Variants in CCDC59 observed in about 807,000 individuals in gnomAD.
The protein encoded by CCDC59 is thyroid transcription factor 1-associated protein 26.
A neutral mutation model predicts 30.5 loss-of-function variants in CCDC59; 27 were observed. The ratio of observed to expected loss-of-function variants is 0.89; its 90% confidence interval spans 0.65 to 1.22. CCDC59 has a LOEUF of 1.22. Ranked by LOEUF, CCDC59 falls within the 50% of genes most tolerant of loss-of-function variation. The pLI, the probability that CCDC59 is intolerant of heterozygous loss-of-function variation, is 0.00. For synonymous variants in CCDC59, 125 were observed against 100.9 expected, an observed-to-expected ratio of 1.24 and a Z score of -1.43; for missense variants, 362 against 284.4, an observed-to-expected ratio of 1.27 and a Z score of -1.96.
At chr12:82,354,461 A>C (rs1240610963) in intron 3 of CCDC59, 34 bp downstream of exon 3, 2 of 1,505,406 alleles carry the variant, frequency 1.3e-6, no homozygotes, top group Non-Finnish European at 1.8e-6. Context: ...TAAATAAGAA[A>C]AACTATACTA....
intron 2 of CCDC59, chr12:82,355,056 T>C (rs1322348408): frequency 6.5e-6 from 1 of 152,818 alleles, no homozygotes; most frequent in Non-Finnish European, 1.5e-5. Context: ...CTACTTGGAA[T>C]TCCATTCATT....
intron 3 of CCDC59, among the ~76,000 whole-genome samples, chr12:82,353,740 T>G (rs1255299826): frequency 6.6e-6 from 1 of 152,140 alleles, no homozygotes; most frequent in African/African-American, 2.4e-5. Flanking sequence ...AATGAAAACA[T>G]TTTTGATGTT....
chr12:82,355,440 AG>A (rs1460817838), intron 2 of CCDC59: 2 of 152,226 alleles, frequency 1.3e-5, no homozygotes, highest in Admixed American at 1.3e-4. Context: ...TTAATAAGGA[AG>A]GAAAAAAAAT....
At position 82,358,351 on chromosome 12, in the gene CCDC59, T is replaced by G; in HGVS notation, c.26A>C (p.Lys9Thr). 6.2e-7 allele frequency: 1 copy of G among 1,613,838 alleles called. No individual in the cohort carries two copies. The highest frequency in any genetic ancestry group is 8.5e-7 in the Non-Finnish European group (1 of 1,180,014). MAPVRRSA[K>T]WRPGGIEARG... is the part of the protein sequence containing the mutation. Reference sequence around the variant, plus strand: ...CGCCTCAATACCACCAGGCCGCCACTTCGCGGACCGCCTCACCGGCGCCAT... The same window carrying G: ...CGCCTCAATACCACCAGGCCGCCACGTCGCGGACCGCCTCACCGGCGCCAT... The change falls in exon 1 of 4, where the codon AAG becomes ACG. Residue 9 changes from lysine to threonine, a missense_variant. Transcript: ENST00000256151.
Position 82,357,079 on chromosome 12 carries a change from C to T in CCDC59, c.345G>A (p.Leu115=). 6.2e-7 allele frequency: 1 copy of T among 1,614,188 alleles called. No homozygotes were observed. ...RKQARKVDHP[L]SEQVHQPLLE... is the part of the protein sequence containing the mutation. Reference sequence around the variant, plus strand: ...GCAACGGCTGGTGAACTTGTTCTGACAAAGGATGGTCGACTTTTCTTGCTT... The same window carrying T: ...GCAACGGCTGGTGAACTTGTTCTGATAAAGGATGGTCGACTTTTCTTGCTT... Residue 115 remains leucine, a synonymous_variant, in exon 2 of 4, where the codon TTG becomes TTA. Transcript: ENST00000256151.
chr12:82,357,595 C>T (rs528552963), intron 1 of CCDC59, among the ~76,000 whole-genome samples: 7 of 152,078 alleles, frequency 4.6e-5, no homozygotes, highest in Non-Finnish European at 5.9e-5. Flanking sequence ...TCATCTAAAA[C>T]ACTTAATCTG....
chr12:82,358,795 G>A (rs201805528), upstream of CCDC59: 3 of 1,613,200 alleles, frequency 1.9e-6, no homozygotes, highest in Non-Finnish European at 2.5e-6. Flanking sequence ...TCAGAGACGC[G>A]CCCCCTAGTG....
chr12:82,358,659 T>C (rs1191687640), upstream of CCDC59: 20 of 1,614,134 alleles, frequency 1.2e-5, no homozygotes, highest in Non-Finnish European at 1.6e-5. Flanking sequence ...GGATGCCCTG[T>C]CCATTTCCAA....
At chr12:82,356,019 C>T (rs1381361143) in intron 2 of CCDC59, 2 of 152,126 alleles carry the variant, frequency 1.3e-5, no homozygotes, top group Admixed American at 6.5e-5. Flanking sequence ...AATGATCAAG[C>T]CTACCAAAAG....
At chr12:82,354,131 A>G (rs1028523038) in intron 3 of CCDC59, among the ~76,000 whole-genome samples, 4 of 151,986 alleles carry the variant, frequency 2.6e-5, no homozygotes, top group African/African-American at 2.4e-5. Flanking sequence ...AAAATCATCT[A>G]TATTTTTCTT....
rs113127767 is a variant in CCDC59 at position 82,357,195 on chromosome 12, C to G, written c.229G>C (p.Ala77Pro). ...YKKLLRKEKK[A>P]QTSLESQFTD... Reference sequence around the variant, plus strand: ...AATTGAGATTCCAGTGACGTTTGAGCCTTCTTTTCCTTCCGTAGCAATTTC... The same window carrying G: ...AATTGAGATTCCAGTGACGTTTGAGGCTTCTTTTCCTTCCGTAGCAATTTC... Residue 77 changes from alanine to proline, a missense_variant, in exon 2 of 4, where the codon GCT (alanine) becomes CCT (proline). Coordinates refer to ENST00000256151, the MANE Select transcript of CCDC59 (RefSeq NM_014167.5). 4.3e-6 allele frequency: 7 copies of G among 1,614,134 alleles called. No homozygotes were observed. The African/African-American group carries it at 5.3e-5, about 12-fold the overall frequency.
chr12:82,354,658 C>T, intron 2 of CCDC59, 64 bp from the exon 3 acceptor site: 6 of 1,462,544 alleles, frequency 4.1e-6, no homozygotes, highest in South Asian at 1.4e-5. Flanking sequence ...GTATTAAAAA[C>T]ACAGTTGTAG....
rs139622764 is a variant in CCDC59, at chr12:82,354,897, C to T, written c.465-303G>A. 109 of 187,606 alleles carry T rather than the reference C, an allele frequency of 5.8e-4. 1 individual carries two copies. The East Asian group carries it at 0.016, about 27-fold the overall frequency. The allele number at this position is 187,606 out of a possible 1,614,324, so 11.6% of individuals were successfully genotyped here. On this transcript the variant is annotated intron_variant, in intron 2 of 3. Coordinates refer to ENST00000256151, the MANE Select transcript of CCDC59 (RefSeq NM_014167.5). ...TATGTGTATATATGAACTTTAATCT[C>T]GAAGTTTTCTGAGCCCCTCCTCTCT...
intron 3 of CCDC59, among the ~76,000 whole-genome samples, 155 bp from the exon 4 acceptor site, chr12:82,353,467 C>G (rs1202521691): frequency 6.6e-6 from 1 of 151,942 alleles, no homozygotes; most frequent in Admixed American, 6.6e-5. Context: ...AGCAAAGTAC[C>G]CTCTTTGCCT....
At chr12:82,356,814 G>A in intron 2 of CCDC59, 146 bp downstream of exon 2, 2 of 614,114 alleles carry the variant, frequency 3.3e-6, no homozygotes, top group Non-Finnish European at 5.4e-6. Flanking sequence ...TAAAAATAGA[G>A]CCTCCATGAA....
At position 82,358,248 on chromosome 12, in the gene CCDC59, T is replaced by A. The variant is rs751199638; in HGVS notation, c.129A>T (p.Gln43His). ...RQKTWRPNHP[Q>H]AFVGSVREGQ... ...CCTCGCGAACGCTCCCCACGAAGGC[T>A]TGCGGGTGGTTAGGCCGCCATGTCT... is the stretch of plus-strand genomic sequence containing the variant. Residue 43 changes from glutamine to histidine, a missense_variant, in exon 1 of 4, where the codon CAA becomes CAT. By Grantham distance (24) the Gln-to-His change is conservative. Transcript: ENST00000256151. 6.2e-7 allele frequency: 1 copy of A among 1,614,230 alleles called. No individual in the cohort carries two copies. Among genetic ancestry groups the A allele is most frequent in the Non-Finnish European group, 8.5e-7 (1 of 1,180,042 alleles).
Position 82,358,219 on chromosome 12 carries a change from A to G in CCDC59, c.154+4T>C, listed in dbSNP as rs774693929. The G allele has an allele frequency of 6.2e-6, 10 of 1,614,060 alleles. No individual in the cohort carries two copies. Among genetic ancestry groups the G allele is most frequent in the African/African-American group, 4.0e-5 (3 of 74,922 alleles). On this transcript the variant is annotated splice_donor_region_variant and intron_variant, in intron 1 of 3. Transcript: ENST00000256151. ...GATTTGCAAATGGTTGCCTTCTTAC[A>G]TACCCTCGCGAACGCTCCCCACGAA... is the stretch of plus-strand genomic sequence containing the variant.
In CCDC59 at chr12:82,358,379, C is replaced by A. The variant is rs368936285; in HGVS notation, c.-3G>T. ...GCGGACCGCCTCACCGGCGCCATTG[C>A]AGCCGACTAACTGCGTCATCAGAAG... is the stretch of plus-strand genomic sequence containing the variant. On this transcript the variant is annotated 5_prime_UTR_variant, in exon 1 of 4. Transcript: ENST00000256151. 25 of 1,613,080 alleles carry A rather than the reference C, an allele frequency of 1.5e-5. No individual in the cohort carries two copies. Among genetic ancestry groups the A allele is most frequent in the Non-Finnish European group, 1.6e-5 (19 of 1,180,030 alleles).
At position 82,357,034 on chromosome 12, in the gene CCDC59, A is replaced by C; in HGVS notation, c.390T>G (p.Ile130Met). 6.2e-7 allele frequency: 1 copy of C among 1,614,174 alleles called. No individual in the cohort carries two copies. The highest frequency in any genetic ancestry group is 8.5e-7 in the Non-Finnish European group (1 of 1,180,012). ...ACTGATCTTCAAATAAAGGCTCGTCAATGCTACACTGTTCTTCAAGCAACG... is the reference window on the plus strand; with the variant it reads ...ACTGATCTTCAAATAAAGGCTCGTCCATGCTACACTGTTCTTCAAGCAACG... ...HQPLLEEQCS[I>M]DEPLFEDQCS... Residue 130 changes from isoleucine (I) to methionine (M), a missense_variant, in exon 2 of 4, where the codon ATT becomes ATG. Transcript: ENST00000256151.
Sources: allele counts gnomAD v4.1 joint callset (sites outside exome capture counted in the v4.1 genomes callset), GRCh38; gene constraint gnomAD v4.1.1; transcripts MANE v1.5; gene names NCBI Gene and HGNC (gene_info 2026-07-23, HGNC 2026-07-21).